The following GLMN variants were observed in gnomAD, a reference collection of about 807,000 sequenced individuals.
The protein encoded by GLMN is glomulin.
Under a neutral mutation model 87.8 loss-of-function variants are expected in GLMN, and 75 were observed. The observed-to-expected ratio is 0.85, with a 90% confidence interval of 0.71 to 1.04. The LOEUF (loss-of-function observed/expected upper bound fraction) is 1.04, where lower values mean the gene tolerates loss of function less well. Among genes scored for constraint, GLMN ranks in the 50% least tolerant of loss-of-function variants. GLMN has a pLI of 0.00. For synonymous variants in GLMN, 206 were observed against 221.6 expected, an observed-to-expected ratio of 0.93 and a Z score of 0.63; for missense variants, 588 against 658.8, an observed-to-expected ratio of 0.89 and a Z score of 1.18.
At chr1:92,268,165 A>C in intron 9 of GLMN, 30 bp from the exon 10 acceptor site, 1 of 1,146,786 alleles carries the variant, frequency 8.7e-7, no homozygotes, top group Non-Finnish European at 1.3e-6. Context: ...TTTATCATGA[A>C]TTTGTAAACT....
At chr1:92,293,027 A>AT (rs916516516) in intron 3 of GLMN, among the ~76,000 whole-genome samples, 3 of 152,012 alleles carry the variant, frequency 2.0e-5, no homozygotes, top group Non-Finnish European at 2.9e-5. Context: ...ATCTCAAAAA[A>AT]ATATATAAAT....
the GLMN span, among the ~76,000 whole-genome samples, chr1:92,305,412 A>G: frequency 7.2e-6 from 1 of 138,830 alleles, no homozygotes; most frequent in Middle Eastern, 3.5e-3. Context: ...CAGCCGGGGC[A>G]ACAGAGTGAG....
At chr1:92,268,048 G>T in intron 10 of GLMN, 46 bp from the exon 11 acceptor site, 1 of 1,363,906 alleles carries the variant, frequency 7.3e-7, no homozygotes, top group Non-Finnish European at 1.1e-6. Flanking sequence ...GAAGTCAACA[G>T]CTGTTATTTG....
intron 17 of GLMN, among the ~76,000 whole-genome samples, 177 bp downstream of exon 17, chr1:92,247,701 G>A (rs1652871777): frequency 6.6e-6 from 1 of 152,066 alleles, no homozygotes; most frequent in Non-Finnish European, 1.5e-5. Context: ...TCATTAACCC[G>A]ATTTTAGGTA....
chr1:92,263,592 A>C (rs998125932), intron 15 of GLMN, 31 bp downstream of exon 15: 1 of 909,852 alleles, frequency 1.1e-6, no homozygotes, highest in African/African-American at 1.6e-5. Flanking sequence ...TTCTGAATTT[A>C]CTATGTGAAC....
rs1449889521 is a variant in GLMN, at chr1:92,264,642, G to A, written c.1215-4C>T. ...ATTACTTGTATTCAATAAGCACCTT[G>A]AAAGCAAAATTACAATAGATGTGAA... On this transcript the variant is annotated splice_region_variant and splice_polypyrimidine_tract_variant and intron_variant, in intron 13 of 18. Coordinates refer to ENST00000370360, the MANE Select transcript of GLMN (RefSeq NM_053274.3). 1 of 1,495,776 alleles carries A rather than the reference G, an allele frequency of 6.7e-7. No individual in the cohort carries two copies. The highest frequency in any genetic ancestry group is 1.4e-5 in the African/African-American group (1 of 72,762). The allele number at this position is 1,495,776 out of a possible 1,614,324, so 92.7% of individuals were successfully genotyped here.
chr1:92,249,565 G>T (rs147517730), intron 16 of GLMN, among the ~76,000 whole-genome samples: 22 of 152,114 alleles, frequency 1.4e-4, no homozygotes, highest in Admixed American at 3.9e-4. Flanking sequence ...CGTATAAAAT[G>T]TATAATAATG....
intron 16 of GLMN, among the ~76,000 whole-genome samples, chr1:92,256,802 TG>T (rs1654331550): frequency 6.6e-6 from 1 of 152,196 alleles, no homozygotes; most frequent in African/African-American, 2.4e-5. Context: ...AATATCATAC[TG>T]AATGGGCAAA....
intron 15 of GLMN, among the ~76,000 whole-genome samples, chr1:92,263,317 A>C (rs1655245646): frequency 6.6e-6 from 1 of 152,244 alleles, no homozygotes; most frequent in Non-Finnish European, 1.5e-5. Flanking sequence ...CTAAACACAT[A>C]AATTACATAC....
At chr1:92,306,846 A>G in the GLMN span, among the ~76,000 whole-genome samples, 1 of 152,238 alleles carries the variant, frequency 6.6e-6, no homozygotes, top group Admixed American at 6.5e-5. Flanking sequence ...ATAAGAATGT[A>G]TAACAATATT....
chr1:92,318,562 G>A, the GLMN span, among the ~76,000 whole-genome samples: 2 of 152,112 alleles, frequency 1.3e-5, no homozygotes, highest in Middle Eastern at 3.4e-3. Flanking sequence ...AACCATAGTA[G>A]ATAGTTTAAC....
chr1:92,258,285 ACG>A (rs1403102936), intron 16 of GLMN, among the ~76,000 whole-genome samples: 1 of 152,214 alleles, frequency 6.6e-6, no homozygotes, highest in African/African-American at 2.4e-5. Context: ...AGAAATAGGA[ACG>A]CTTTTACACT....
the GLMN span, among the ~76,000 whole-genome samples, chr1:92,337,750 A>AT: frequency 6.6e-6 from 1 of 152,066 alleles, no homozygotes; most frequent in African/African-American, 2.4e-5. Flanking sequence ...TAATTTAGGA[A>AT]TTTTTCCAAC....
chr1:92,355,934 T>C, the GLMN span, among the ~76,000 whole-genome samples: 4 of 152,228 alleles, frequency 2.6e-5, no homozygotes, highest in Non-Finnish European at 4.4e-5. Context: ...ATCAAAGATA[T>C]GGAACTTTTC....
At chr1:92,297,350 C>T in intron 3 of GLMN, 54 bp downstream of exon 3, 3 of 1,599,032 alleles carry the variant, frequency 1.9e-6, no homozygotes, top group Non-Finnish European at 2.6e-6. Context: ...TGAATAGCAT[C>T]ATGTGATTAT....
chr1:92,252,072 A>G (rs1176130160), intron 16 of GLMN, among the ~76,000 whole-genome samples: 1 of 152,200 alleles, frequency 6.6e-6, no homozygotes, highest in Non-Finnish European at 1.5e-5. Context: ...TGCTGGGATT[A>G]CAGTGATAAA....
At chr1:92,281,610 A>G (rs1648059324) in intron 7 of GLMN, among the ~76,000 whole-genome samples, 2 of 152,268 alleles carry the variant, frequency 1.3e-5, no homozygotes, top group South Asian at 4.1e-4. Context: ...ATCAAATTCA[A>G]ACATAACAAT....
chr1:92,282,791 G>C (rs1033889090), intron 7 of GLMN, among the ~76,000 whole-genome samples: 11 of 151,870 alleles, frequency 7.2e-5, no homozygotes, highest in African/African-American at 2.4e-4. Context: ...ATGATAAAGG[G>C]GATATCACCA....
the GLMN span, among the ~76,000 whole-genome samples, chr1:92,322,512 C>A: frequency 6.6e-6 from 1 of 151,156 alleles, no homozygotes; most frequent in African/African-American, 2.4e-5. Flanking sequence ...CCACTGCGCT[C>A]CAGCCTGGGT....
Sources: allele counts gnomAD v4.1 joint callset (sites outside exome capture counted in the v4.1 genomes callset), GRCh38; gene constraint gnomAD v4.1.1; transcripts MANE v1.5; gene names NCBI Gene and HGNC (gene_info 2026-07-23, HGNC 2026-07-21).